The following CLPB variants were observed in gnomAD, a reference collection of about 807,000 sequenced individuals.
The protein encoded by CLPB is mitochondrial disaggregase.
CLPB carries 40 observed loss-of-function variants against 78.4 expected under a neutral mutation model. That is an observed-to-expected ratio of 0.51 (90% confidence interval 0.40 to 0.66). The LOEUF is 0.66. Among genes scored for constraint, CLPB ranks in the 30% least tolerant of loss-of-function variants. The pLI, the probability that CLPB is intolerant of heterozygous loss-of-function variation, is 0.00. For missense variants in CLPB, 780 were observed against 886.9 expected, an observed-to-expected ratio of 0.88 and a Z score of 1.53; for synonymous variants, 333 against 348.0, an observed-to-expected ratio of 0.96 and a Z score of 0.48.
At chr11:72,396,203 C>T (rs1855401527) in intron 3 of CLPB, among the ~76,000 whole-genome samples, 1 of 152,118 alleles carries the variant, frequency 6.6e-6, no homozygotes, top group South Asian at 2.1e-4. Context: ...AGCTCAGTTC[C>T]TCGGGGACCC....
chr11:72,326,966 T>C (rs1245243869), intron 6 of CLPB, among the ~76,000 whole-genome samples: 1 of 152,178 alleles, frequency 6.6e-6, no homozygotes, highest in East Asian at 1.9e-4. Context: ...ATAGGTAGAA[T>C]CTGATGGGAC....
rs1465240315 is a variant in CLPB, at chr11:72,290,851, G to A, written c.*2516C>T. 1 of 151,972 alleles carries A rather than the reference G, an allele frequency of 6.6e-6. No homozygotes were observed. The highest frequency in any genetic ancestry group is 2.4e-5 in the African/African-American group (1 of 41,336). 9.4% of individuals were successfully genotyped at this position (151,972 alleles called of 1,614,324 possible). On this transcript the variant is annotated 3_prime_UTR_variant, in exon 16 of 16. Coordinates refer to ENST00000538039, the MANE Select transcript of CLPB (RefSeq NM_001258392.3). ...CCCAGCTACTCAGGAGGCTGAGGCA[G>A]GAGAATCACTTTGAACCCAGGAGGC...
Position 72,431,847 on chromosome 11 carries a change from T to C in CLPB, c.404-1484A>G, listed in dbSNP as rs555483761. Among the ~76,000 whole-genome samples, 17 of 152,324 alleles carry C rather than the reference T, an allele frequency of 1.1e-4. 1 individual carries two copies. The highest frequency in any genetic ancestry group is 4.1e-4 in the African/African-American group (17 of 41,572). ...ACTCTAAGTCAGGGGACAGGGTAGC[T>C]GGCAAGTCAGTTCCAGCAGGAACTG... On this transcript the variant is annotated intron_variant, in intron 1 of 15. Coordinates refer to ENST00000538039, the MANE Select transcript of CLPB (RefSeq NM_001258392.3).
chr11:72,304,213 A>G (rs1450960253), intron 9 of CLPB: 1 of 152,254 alleles, frequency 6.6e-6, no homozygotes, highest in East Asian at 1.9e-4. Flanking sequence ...GGCAAGAACA[A>G]TAAGAGTAAC....
intron 2 of CLPB, among the ~76,000 whole-genome samples, chr11:72,406,379 C>T (rs1590906875): frequency 6.6e-6 from 1 of 152,238 alleles, no homozygotes; most frequent in East Asian, 1.9e-4. Context: ...CCCTGAAGGG[C>T]CGAGTGCAGT....
intron 3 of CLPB, among the ~76,000 whole-genome samples, chr11:72,389,264 C>T (rs1481911735): frequency 6.6e-6 from 1 of 152,172 alleles, no homozygotes; most frequent in East Asian, 1.9e-4. Flanking sequence ...GGTGAGTCAG[C>T]CCACCTGGCT....
chr11:72,338,811 A>C (rs1426169752), intron 5 of CLPB, among the ~76,000 whole-genome samples: 1 of 152,252 alleles, frequency 6.6e-6, no homozygotes, highest in Non-Finnish European at 1.5e-5. Context: ...GCAGAAGCCA[A>C]GTCATGCCAG....
In CLPB at chr11:72,288,723, A is replaced by G. The variant is rs571020460; in HGVS notation, c.*4644T>C. On this transcript the variant is annotated 3_prime_UTR_variant, in exon 16 of 16. Coordinates refer to ENST00000538039, the MANE Select transcript of CLPB (RefSeq NM_001258392.3). ...TGCCTGCACTGTGCCAGGTTCTGTG[A>G]ATGGCTGAACAGCTTGGCATCTGCC... 6.6e-6 allele frequency: 1 copy of G among 152,334 alleles called. No homozygotes were observed. Among genetic ancestry groups the G allele is most frequent in the South Asian group, 2.1e-4 (1 of 4,822 alleles). The allele number at this position is 152,334 out of a possible 1,614,324, so 9.4% of individuals were successfully genotyped here. A position where few individuals can be genotyped will look rare whatever the true frequency, so the allele number is the denominator to read the frequency against.
At chr11:72,364,724 AC>A (rs1438008842) in intron 4 of CLPB, among the ~76,000 whole-genome samples, 1 of 151,856 alleles carries the variant, frequency 6.6e-6, no homozygotes, top group Non-Finnish European at 1.5e-5. Context: ...CACATAGAGG[AC>A]CCTGGTGACC....
At chr11:72,324,566 AAAAAAAG>A (rs1335734062) in intron 6 of CLPB, among the ~76,000 whole-genome samples, 2 of 152,132 alleles carry the variant, frequency 1.3e-5, no homozygotes, top group Non-Finnish European at 2.9e-5. Context: ...CTTCATCTCA[AAAAAAAG>A]AAAAAAATAA....
chr11:72,317,999 A>G (rs1159019836), intron 6 of CLPB, among the ~76,000 whole-genome samples: 3 of 152,244 alleles, frequency 2.0e-5, no homozygotes, highest in Non-Finnish European at 4.4e-5. Flanking sequence ...GCACACAAAT[A>G]CTTCGCAACC....
At position 72,339,799 on chromosome 11, in the gene CLPB, G is replaced by C. The variant is rs115913275; in HGVS notation, c.776-9995C>G. On this transcript the variant is annotated intron_variant, in intron 5 of 15. Coordinates refer to ENST00000538039, the MANE Select transcript of CLPB (RefSeq NM_001258392.3). ...GATTACAGACCTCAGCACATGGAAG[G>C]CTGGCTTTAGTTTAGATTAAGTCAG... Among the ~76,000 whole-genome samples, 1,493 of 152,280 alleles carry C rather than the reference G, an allele frequency of 9.8e-3. 14 individuals carry two copies. Among genetic ancestry groups the C allele is most frequent in the African/African-American group, 0.021 (872 of 41,546 alleles).
chr11:72,303,785 A>G (rs755466615), intron 9 of CLPB: 1 of 152,254 alleles, frequency 6.6e-6, no homozygotes, highest in Non-Finnish European at 1.5e-5. Context: ...TGTTTTAGGC[A>G]AGCTATAAAG....
At position 72,302,378 on chromosome 11, in the gene CLPB, G is replaced by A. The variant is rs145004395; in HGVS notation, c.1123-30C>T. 1.4e-4 allele frequency: 229 copies of A among 1,611,166 alleles called. 1 individual carries two copies. The East Asian group carries it at 4.7e-3, about 33-fold the overall frequency. ...GTGGAAACAAGCAAGTACCAACTCC[G>A]TTTGGAGGCAGGAAAGTGAAGAGAA... On this transcript the variant is annotated intron_variant, in intron 9 of 15. Transcript: ENST00000538039.
At chr11:72,419,374 G>A (rs1424840446) in intron 2 of CLPB, among the ~76,000 whole-genome samples, 1 of 152,206 alleles carries the variant, frequency 6.6e-6, no homozygotes, top group Non-Finnish European at 1.5e-5. Flanking sequence ...TGCCTCAAGA[G>A]GCAGGACCAT....
intron 6 of CLPB, among the ~76,000 whole-genome samples, chr11:72,323,393 C>G (rs925839590): frequency 6.6e-6 from 1 of 151,846 alleles, no homozygotes; most frequent in African/African-American, 2.4e-5. Flanking sequence ...ATGGTGAAAC[C>G]TCGTCTTTAC....
chr11:72,305,046 A>G (rs1486582883), intron 9 of CLPB, among the ~76,000 whole-genome samples: 4 of 152,240 alleles, frequency 2.6e-5, no homozygotes, highest in Non-Finnish European at 5.9e-5. Context: ...CAGGAGTTTC[A>G]TAGAAGCACC....
intron 4 of CLPB, among the ~76,000 whole-genome samples, chr11:72,361,231 G>C (rs1483110100): frequency 6.6e-6 from 1 of 152,204 alleles, no homozygotes; most frequent in Non-Finnish European, 1.5e-5. Context: ...AATGGTCAAT[G>C]AGCCTTCTAC....
chr11:72,420,949 C>T (rs987178292), intron 2 of CLPB, among the ~76,000 whole-genome samples: 1 of 152,144 alleles, frequency 6.6e-6, no homozygotes, highest in Non-Finnish European at 1.5e-5. Flanking sequence ...CACCAGAGGT[C>T]GGGAGTTCGG....
Sources: allele counts gnomAD v4.1 joint callset (sites outside exome capture counted in the v4.1 genomes callset), GRCh38; gene constraint gnomAD v4.1.1; transcripts MANE v1.5; gene names NCBI Gene and HGNC (gene_info 2026-07-23, HGNC 2026-07-21).